The following IL1RAPL1 variants were observed in gnomAD, a reference collection of about 807,000 sequenced individuals.
IL1RAPL1 encodes interleukin-1 receptor accessory protein-like 1.
IL1RAPL1 carries 3 observed loss-of-function variants against 48.4 expected under a neutral mutation model. That is an observed-to-expected ratio of 0.06 (90% CI 0.03 to 0.16). The LOEUF is 0.16. IL1RAPL1 is among the 10% of genes least tolerant of loss of function. The pLI is 1.00. For missense variants in IL1RAPL1, 349 were observed against 530.6 expected (o/e 0.66, Z 3.36); for synonymous variants, 185 against 187.7 (o/e 0.99, Z 0.12).
At chrX:29,384,334 G>T (rs1402938080) in intron 3 of IL1RAPL1, among the ~76,000 whole-genome samples, 1 of 111,773 alleles carries the variant, frequency 8.9e-6, no homozygotes, top group Non-Finnish European at 1.9e-5. Context: ...ATCCCCTCTT[G>T]TAAAAATTCA....
At chrX:29,569,385 C>T (rs1479884924) in intron 5 of IL1RAPL1, among the ~76,000 whole-genome samples, 2 of 111,062 alleles carry the variant, frequency 1.8e-5, no homozygotes, top group African/African-American at 6.5e-5. Context: ...GTCCACATGG[C>T]TAGAACATAA....
intron 1 of IL1RAPL1, among the ~76,000 whole-genome samples, chrX:28,701,266 T>C (rs1474437699): frequency 8.9e-6 from 1 of 111,995 alleles, no homozygotes; most frequent in Non-Finnish European, 1.9e-5. Context: ...TTGGACCTTA[T>C]TTCCAATAAT....
At chrX:28,622,193 A>G (rs761464964) in intron 1 of IL1RAPL1, among the ~76,000 whole-genome samples, 9 of 112,093 alleles carry the variant, frequency 8.0e-5, no homozygotes, top group Non-Finnish European at 1.5e-4. Context: ...TAAAATTAAG[A>G]TGTATGATTT....
chrX:29,730,920 G>C (rs1196574448), intron 6 of IL1RAPL1, among the ~76,000 whole-genome samples: 2 of 112,053 alleles, frequency 1.8e-5, no homozygotes, highest in Non-Finnish European at 3.8e-5. Flanking sequence ...AATGTATTTA[G>C]ATCAGAATTC....
intron 3 of IL1RAPL1, among the ~76,000 whole-genome samples, chrX:29,290,622 AT>A (rs1227717040): frequency 8.9e-6 from 1 of 111,935 alleles, no homozygotes; most frequent in Non-Finnish European, 1.9e-5. Flanking sequence ...AACAATAACC[AT>A]TTTATTTGCA....
chrX:29,884,800 G>A (rs5973245), intron 6 of IL1RAPL1, among the ~76,000 whole-genome samples: 11,150 of 111,011 alleles, frequency 0.1, 1,361 homozygotes, highest in African/African-American at 0.35. Flanking sequence ...GCTGAGGCCA[G>A]AATCTTAGAA....
chrX:29,296,671 A>G (rs1932454773), intron 3 of IL1RAPL1, among the ~76,000 whole-genome samples: 1 of 110,980 alleles, frequency 9.0e-6, no homozygotes, highest in Non-Finnish European at 1.9e-5. Flanking sequence ...ATTCTAAGTC[A>G]CACTCACAAC....
intron 1 of IL1RAPL1, among the ~76,000 whole-genome samples, chrX:28,639,127 G>T (rs1284526701): frequency 8.9e-6 from 1 of 111,890 alleles, no homozygotes; most frequent in East Asian, 2.8e-4. Context: ...TTAACATGTT[G>T]CCTGGCATGA....
chrX:29,740,122 G>GAAAAAAAAAAAAAAAAAAAAAAAAGAA (rs1172511347), intron 6 of IL1RAPL1, among the ~76,000 whole-genome samples: 1 of 52,327 alleles, frequency 1.9e-5, no homozygotes, highest in Non-Finnish European at 3.7e-5. Context: ...CAAAAAAACA[G>GAAAAAAAAAAAAAAAAAAAAAAAAGAA]AAAAAAAAAA....
chrX:28,592,072 C>T (rs1933912590), intron 1 of IL1RAPL1, among the ~76,000 whole-genome samples: 1 of 111,336 alleles, frequency 9.0e-6, no homozygotes, highest in Non-Finnish European at 1.9e-5. Flanking sequence ...CAGTGATTAA[C>T]CAACAAAGAC....
chrX:28,628,775 A>G (rs1488707074), intron 1 of IL1RAPL1, among the ~76,000 whole-genome samples: 1 of 112,343 alleles, frequency 8.9e-6, no homozygotes, highest in African/African-American at 3.2e-5. Context: ...CCTGATATGG[A>G]GCACAGATTA....
intron 6 of IL1RAPL1, among the ~76,000 whole-genome samples, chrX:29,871,104 C>A (rs983243911): frequency 3.6e-5 from 4 of 111,762 alleles, no homozygotes; most frequent in African/African-American, 9.7e-5. Context: ...CAGTGTGTGG[C>A]CCCCTTTTTC....
chrX:29,944,740 T>C (rs1001447282), intron 9 of IL1RAPL1, among the ~76,000 whole-genome samples: 6 of 111,529 alleles, frequency 5.4e-5, no homozygotes, highest in Non-Finnish European at 9.4e-5. Context: ...AAAAGTCACC[T>C]GGTGCATATG....
At chrX:29,697,111 C>T (rs1255104824) in intron 6 of IL1RAPL1, among the ~76,000 whole-genome samples, 1 of 111,394 alleles carries the variant, frequency 9.0e-6, no homozygotes, top group Non-Finnish European at 1.9e-5. Flanking sequence ...CCGCCTCTTT[C>T]CATTCATCAC....
At chrX:28,948,068 C>T (rs1924354707) in intron 2 of IL1RAPL1, among the ~76,000 whole-genome samples, 1 of 111,005 alleles carries the variant, frequency 9.0e-6, no homozygotes, top group African/African-American at 3.3e-5. Context: ...TTGTAGTTAA[C>T]TGAAAAAGAC....
At chrX:29,228,332 A>AGTGTGTGTGTGTGTGTGTGTGT (rs1555978439) in intron 2 of IL1RAPL1, among the ~76,000 whole-genome samples, 1 of 79,559 alleles carries the variant, frequency 1.3e-5, no homozygotes, top group African/African-American at 4.7e-5. Context: ...AGTTTTGCCT[A>AGTGTGTGTGTGTGTGTGTGTGT]GTGTGTGTGT....
intron 2 of IL1RAPL1, among the ~76,000 whole-genome samples, chrX:29,178,851 G>A (rs1176225280): frequency 8.9e-6 from 1 of 111,836 alleles, no homozygotes; most frequent in African/African-American, 3.2e-5. Flanking sequence ...ATTAAATAGG[G>A]AATCCTTTCC....
At chrX:29,737,299 A>T (rs1928074621) in intron 6 of IL1RAPL1, among the ~76,000 whole-genome samples, 1 of 111,570 alleles carries the variant, frequency 9.0e-6, no homozygotes, top group Non-Finnish European at 1.9e-5. Context: ...TGGTTTGTAG[A>T]CCATTGCTCT....
intron 8 of IL1RAPL1, 70 bp from the exon 9 acceptor site, chrX:29,941,581 A>C (rs1428375010): frequency 9.2e-7 from 1 of 1,087,843 alleles, no homozygotes; most frequent in South Asian, 1.8e-5. Flanking sequence ...ATGTGAAATC[A>C]AACTGAGTTT....
Sources: gnomAD v4.1 joint callset for allele counts (sites outside exome capture counted in the v4.1 genomes callset) on GRCh38, gnomAD v4.1.1 for gene constraint, MANE v1.5 for transcripts, NCBI Gene and HGNC (gene_info 2026-07-23, HGNC 2026-07-21) for gene names.